Variants in NDUFS4 observed in about 807,000 individuals in gnomAD.
NDUFS4 encodes the protein NADH dehydrogenase [ubiquinone] iron-sulfur protein 4, mitochondrial.
NDUFS4 carries 28 observed loss-of-function variants against 24.3 expected under a neutral mutation model. The ratio of observed to expected loss-of-function variants is 1.15; its 90% confidence interval spans 0.85 to 1.58. The LOEUF (loss-of-function observed/expected upper bound fraction) is 1.58, where lower values mean the gene tolerates loss of function less well. NDUFS4 is among the 40% of genes most tolerant of loss of function. NDUFS4 has a pLI of 0.00. For synonymous variants in NDUFS4, 93 were observed against 69.7 expected (o/e 1.34, Z -1.67); for missense variants, 223 against 207.9 (o/e 1.07, Z -0.45).
intron 1 of NDUFS4, among the ~76,000 whole-genome samples, chr5:53,578,435 T>A (rs907475041): frequency 1.3e-5 from 2 of 152,178 alleles, no homozygotes; most frequent in African/African-American, 2.4e-5. Flanking sequence ...ATATTAGCCA[T>A]GCTGTCAGGC....
intron 2 of NDUFS4, among the ~76,000 whole-genome samples, chr5:53,641,305 T>C (rs1295316318): frequency 2.6e-5 from 4 of 152,124 alleles, no homozygotes; most frequent in Non-Finnish European, 5.9e-5. Context: ...CAGAAGGATC[T>C]AGGAGTGGTA....
chr5:53,659,846 T>A (rs1752277092), intron 4 of NDUFS4, among the ~76,000 whole-genome samples: 1 of 152,174 alleles, frequency 6.6e-6, no homozygotes, highest in Non-Finnish European at 1.5e-5. Flanking sequence ...CCTTTGAATC[T>A]GTATGTCACT....
At chr5:53,592,867 A>G (rs1750018416) in intron 1 of NDUFS4, among the ~76,000 whole-genome samples, 1 of 152,178 alleles carries the variant, frequency 6.6e-6, no homozygotes. Flanking sequence ...TTGTCTTTCC[A>G]TATGAATTTT....
intron 1 of NDUFS4, 43 bp from the exon 2 acceptor site, chr5:53,603,409 T>C: frequency 1.4e-6 from 2 of 1,405,912 alleles, no homozygotes; most frequent in Non-Finnish European, 2.0e-6. Flanking sequence ...GTCTCTCCTC[T>C]CATTGCCTGG....
chr5:53,656,540 A>G lies in NDUFS4; in HGVS notation c.351-2011A>G, dbSNP rs182396933. 1.6e-4 allele frequency among the ~76,000 whole-genome samples: 24 copies of G among 152,326 alleles called. No individual in the cohort carries two copies. The East Asian group carries it at 4.6e-3, about 29-fold the overall frequency. On this transcript the variant is annotated intron_variant, in intron 3 of 4. Coordinates refer to ENST00000296684, the MANE Select transcript of NDUFS4 (RefSeq NM_002495.4). ...AGAGTAGGAGAGCATTTCAAGAGGA[A>G]GGAACAAATTGAACTGATGGGAAAG...
At chr5:53,623,622 C>G (rs1328615450) in intron 2 of NDUFS4, among the ~76,000 whole-genome samples, 4 of 152,098 alleles carry the variant, frequency 2.6e-5, no homozygotes, top group Non-Finnish European at 4.4e-5. Context: ...CCAGTAATTC[C>G]TTGCCAAATT....
intron 2 of NDUFS4, among the ~76,000 whole-genome samples, chr5:53,624,954 T>TTTTG (rs750194664): frequency 6.6e-6 from 1 of 152,016 alleles, no homozygotes; most frequent in African/African-American, 2.4e-5. Flanking sequence ...GTTTGGTGTG[T>TTTTG]TTTGTTTGTT....
chr5:53,626,419 T>C (rs1482619855), intron 2 of NDUFS4, among the ~76,000 whole-genome samples: 1 of 152,190 alleles, frequency 6.6e-6, no homozygotes, highest in Non-Finnish European at 1.5e-5. Context: ...CTGGGTCAAA[T>C]GGTATTTCTA....
intron 3 of NDUFS4, among the ~76,000 whole-genome samples, chr5:53,646,757 A>G (rs1235646462): frequency 6.6e-6 from 1 of 152,154 alleles, no homozygotes; most frequent in East Asian, 1.9e-4. Context: ...GTACAATAAG[A>G]TATTTCGAGA....
chr5:53,621,640 T>C (rs999588110), intron 2 of NDUFS4, among the ~76,000 whole-genome samples: 1 of 151,866 alleles, frequency 6.6e-6, no homozygotes, highest in Admixed American at 6.6e-5. Context: ...TCCTTTGTGT[T>C]AATGTTGACA....
chr5:53,561,549 C>G (rs1748845209), intron 1 of NDUFS4, among the ~76,000 whole-genome samples: 1 of 148,920 alleles, frequency 6.7e-6, no homozygotes, highest in African/African-American at 2.5e-5. Context: ...CTTCCATTTT[C>G]TATTTTTCAG....
intron 2 of NDUFS4, among the ~76,000 whole-genome samples, chr5:53,612,234 C>G (rs1750717757): frequency 6.6e-6 from 1 of 152,052 alleles, no homozygotes; most frequent in South Asian, 2.1e-4. Flanking sequence ...ATGCCAGGCA[C>G]TATGCTTCAG....
At chr5:53,574,761 C>CT (rs1166195634) in intron 1 of NDUFS4, among the ~76,000 whole-genome samples, 6 of 151,854 alleles carry the variant, frequency 4.0e-5, no homozygotes, top group Non-Finnish European at 8.8e-5. Flanking sequence ...TGGATGCTTT[C>CT]TTTTTTTTGT....
intron 1 of NDUFS4, among the ~76,000 whole-genome samples, chr5:53,596,108 T>G (rs1018787371): frequency 6.6e-6 from 1 of 152,144 alleles, no homozygotes; most frequent in African/African-American, 2.4e-5. Flanking sequence ...TCTTTTACTT[T>G]TACTCAGTCT....
At chr5:53,646,208 G>GTT in intron 2 of NDUFS4, 25 bp from the exon 3 acceptor site, 6 of 1,531,686 alleles carry the variant, frequency 3.9e-6, no homozygotes, top group East Asian at 2.3e-5. Context: ...TTTGAAACGT[G>GTT]TTTTTTTTTC....
At position 53,677,980 on chromosome 5, in the gene NDUFS4, T is replaced by C. The variant is rs569111805; in HGVS notation, c.425-5138T>C. Among the ~76,000 whole-genome samples the C allele has an allele frequency of 2.0e-5, 3 of 152,358 alleles. No individual in the cohort carries two copies. In the South Asian group the frequency reaches 6.2e-4, roughly 32 times the overall value. ...CAATAAAAGAACTGATGGATGTTTG[T>C]ATTTTTGTATTACTGAACCATAAAT... On this transcript the variant is annotated intron_variant, in intron 4 of 4. Coordinates refer to ENST00000296684, the MANE Select transcript of NDUFS4 (RefSeq NM_002495.4).
chr5:53,621,690 A>ATTTTTTTTTTTTTTT (rs58169759), intron 2 of NDUFS4, among the ~76,000 whole-genome samples: 1 of 81,546 alleles, frequency 1.2e-5, no homozygotes, highest in African/African-American at 5.5e-5. Context: ...CTCATAGTAA[A>ATTTTTTTTTTTTTTT]TTTTTTTTTT....
At chr5:53,607,484 AAAG>A (rs1397844458) in intron 2 of NDUFS4, among the ~76,000 whole-genome samples, 1 of 152,326 alleles carries the variant, frequency 6.6e-6, no homozygotes, top group African/African-American at 2.4e-5. Context: ...TCTGTAAAAA[AAAG>A]AAAAAAAAGA....
At chr5:53,589,485 A>C (rs370188239) in intron 1 of NDUFS4, among the ~76,000 whole-genome samples, 149 of 152,352 alleles carry the variant, frequency 9.8e-4, no homozygotes, top group African/African-American at 3.5e-3. Flanking sequence ...TTCTAAAGCT[A>C]CTGCTGGATA....
Sources: allele counts gnomAD v4.1 joint callset (sites outside exome capture counted in the v4.1 genomes callset), GRCh38; gene constraint gnomAD v4.1.1; transcripts MANE v1.5; gene names NCBI Gene and HGNC (gene_info 2026-07-23, HGNC 2026-07-21).